The following EFCAB6 variants were observed in gnomAD, a reference collection of about 807,000 sequenced individuals.
EFCAB6 encodes EF-hand calcium binding domain 6, also known as EF-hand calcium-binding domain-containing protein 6.
EFCAB6 carries 156 observed loss-of-function variants against 169.8 expected under a neutral mutation model. The observed-to-expected ratio is 0.92, with a 90% CI of 0.81 to 1.05. The LOEUF (loss-of-function observed/expected upper bound fraction) is 1.05, where lower values mean the gene tolerates loss of function less well. EFCAB6 is among the 50% of genes least tolerant of loss of function. The pLI, the probability that EFCAB6 is intolerant of heterozygous loss-of-function variation, is 0.00. For synonymous variants in EFCAB6, 698 were observed against 676.4 expected, an observed-to-expected ratio of 1.03 and a Z score of -0.50; for missense variants, 1,800 against 1,829.1, an observed-to-expected ratio of 0.98 and a Z score of 0.29.
chr22:43,692,191 T>C (rs2058435953), intron 10 of EFCAB6, among the ~76,000 whole-genome samples: 1 of 152,126 alleles, frequency 6.6e-6, no homozygotes, highest in Non-Finnish European at 1.5e-5. Flanking sequence ...AGATCTGAAC[T>C]GAGATCAGAG....
intron 18 of EFCAB6, among the ~76,000 whole-genome samples, chr22:43,634,160 C>T (rs377765398): frequency 1.6e-3 from 237 of 152,302 alleles, no homozygotes; most frequent in African/African-American, 5.3e-3. Context: ...AATTTCCTTA[C>T]CTGAAAAATG....
At chr22:43,757,002 G>T (rs2060978879) in intron 5 of EFCAB6, among the ~76,000 whole-genome samples, 1 of 152,158 alleles carries the variant, frequency 6.6e-6, no homozygotes, top group Non-Finnish European at 1.5e-5. Flanking sequence ...GGAGGCAGAT[G>T]CCAGGCTCGT....
At chr22:43,788,379 C>T (rs1000557087) in intron 2 of EFCAB6, among the ~76,000 whole-genome samples, 11 of 151,838 alleles carry the variant, frequency 7.2e-5, no homozygotes, top group African/African-American at 2.7e-4. Context: ...TCTTACAGCT[C>T]AATAATAAGG....
intron 8 of EFCAB6, among the ~76,000 whole-genome samples, chr22:43,730,035 ATGCCTGTGG>A (rs1349172402): frequency 2.0e-5 from 3 of 149,860 alleles, no homozygotes; most frequent in African/African-American, 7.4e-5. Context: ...ATGGTGGTGC[ATGCCTGTGG>A]TCCCAGTTAC....
intron 8 of EFCAB6, among the ~76,000 whole-genome samples, chr22:43,728,920 G>A (rs559653197): frequency 4.1e-4 from 63 of 152,234 alleles, no homozygotes; most frequent in Non-Finnish European, 7.4e-4. Flanking sequence ...TAATTAGATC[G>A]CATTTGTCAA....
At chr22:43,635,672 G>A (rs962453453) in intron 17 of EFCAB6, among the ~76,000 whole-genome samples, 4 of 152,134 alleles carry the variant, frequency 2.6e-5, no homozygotes, top group Non-Finnish European at 4.4e-5. Flanking sequence ...CATGAAAAGC[G>A]GCTGTGTTTT....
chr22:43,713,694 C>T (rs527241163), intron 9 of EFCAB6, among the ~76,000 whole-genome samples: 67 of 152,270 alleles, frequency 4.4e-4, no homozygotes, highest in Non-Finnish European at 8.4e-4. Context: ...CTTATGGTGG[C>T]GCTGTTTGGG....
At chr22:43,688,038 G>C (rs1056192751) in intron 10 of EFCAB6, among the ~76,000 whole-genome samples, 1 of 152,158 alleles carries the variant, frequency 6.6e-6, no homozygotes, top group African/African-American at 2.4e-5. Flanking sequence ...AACTCTCCTG[G>C]TTTATCCAAG....
chr22:43,609,810 A>C (rs1020965137), intron 21 of EFCAB6, among the ~76,000 whole-genome samples: 2 of 152,222 alleles, frequency 1.3e-5, no homozygotes, highest in Non-Finnish European at 2.9e-5. Context: ...ATGTATCACT[A>C]AGTTATCACG....
At position 43,540,051 on chromosome 22, in the gene EFCAB6, C is replaced by A. The variant is rs112538076; in HGVS notation, c.3879+76G>T. ...ACTCAACCCTGGGCCATAGTAGGGCCCCCAAAGTCCCCCCAGTGGGATTTG... is the reference window on the plus strand; with the variant it reads ...ACTCAACCCTGGGCCATAGTAGGGCACCCAAAGTCCCCCCAGTGGGATTTG... On this transcript the variant is annotated intron_variant, in intron 28 of 31. Transcript: ENST00000262726. 72 of 1,540,536 alleles carry A rather than the reference C, an allele frequency of 4.7e-5. No individual in the cohort carries two copies. The African/African-American group carries it at 7.9e-4, about 17-fold the overall frequency.
In EFCAB6 at chr22:43,587,240, T is replaced by C. The variant is rs536507396; in HGVS notation, c.3032+2834A>G. On this transcript the variant is annotated intron_variant, in intron 24 of 31. Coordinates refer to ENST00000262726, the MANE Select transcript of EFCAB6 (RefSeq NM_022785.4). ...CCTGGAGGTATATTCTCCGGAGATG[T>C]TGTTTCTGAGCAGGAGGGCATCTGT... Among the ~76,000 whole-genome samples the C allele has an allele frequency of 3.3e-5, 5 of 152,272 alleles. No homozygotes were observed. The South Asian group carries it at 1.0e-3, about 32-fold the overall frequency.
chr22:43,791,492 G>A (rs183276503), intron 2 of EFCAB6, among the ~76,000 whole-genome samples: 2 of 152,224 alleles, frequency 1.3e-5, no homozygotes, highest in Admixed American at 1.3e-4. Context: ...GAGCCTTGGG[G>A]TCCTCCAACG....
At chr22:43,529,815 A>T (rs1295892062) in intron 31 of EFCAB6, among the ~76,000 whole-genome samples, 2 of 152,158 alleles carry the variant, frequency 1.3e-5, no homozygotes, top group Non-Finnish European at 2.9e-5. Flanking sequence ...GACTTCTTTT[A>T]TGTGGGAGTG....
chr22:43,788,179 A>T (rs994949284), intron 2 of EFCAB6, among the ~76,000 whole-genome samples: 1 of 152,208 alleles, frequency 6.6e-6, no homozygotes, highest in African/African-American at 2.4e-5. Flanking sequence ...AGACAATGAT[A>T]TCTTAGATAT....
intron 2 of EFCAB6, among the ~76,000 whole-genome samples, chr22:43,803,242 C>T (rs916058405): frequency 6.6e-6 from 1 of 152,152 alleles, no homozygotes; most frequent in African/African-American, 2.4e-5. Flanking sequence ...AAAAGAGCAG[C>T]GGTTCTCTTT....
intron 2 of EFCAB6, 143 bp downstream of exon 2, chr22:43,808,852 G>A (rs1331281173): frequency 6.6e-6 from 1 of 152,210 alleles, no homozygotes; most frequent in Non-Finnish European, 1.5e-5. Context: ...TTAGGCAGGG[G>A]TTGGCATATG....
At chr22:43,661,972 C>T (rs1156679421) in intron 17 of EFCAB6, among the ~76,000 whole-genome samples, 1 of 151,776 alleles carries the variant, frequency 6.6e-6, no homozygotes, top group Non-Finnish European at 1.5e-5. Flanking sequence ...CAAAAATTAG[C>T]CAGGCGTGGT....
chr22:43,664,686 C>T (rs996043407), intron 17 of EFCAB6, among the ~76,000 whole-genome samples: 4 of 152,178 alleles, frequency 2.6e-5, no homozygotes, highest in Admixed American at 6.5e-5. Flanking sequence ...AAGGAAGAGC[C>T]AGCCTCTGTC....
intron 28 of EFCAB6, among the ~76,000 whole-genome samples, chr22:43,539,463 C>T (rs1315359609): frequency 6.6e-6 from 1 of 152,236 alleles, no homozygotes; most frequent in African/African-American, 2.4e-5. Context: ...TGAGAATGGA[C>T]TAGCCAAGGT....
Sources: allele counts gnomAD v4.1 joint callset (sites outside exome capture counted in the v4.1 genomes callset), GRCh38; gene constraint gnomAD v4.1.1; transcripts MANE v1.5; gene names NCBI Gene and HGNC (gene_info 2026-07-23, HGNC 2026-07-21).